Variants in CBFA2T3 observed in about 807,000 individuals in gnomAD.
CBFA2T3 encodes CBFA2/RUNX1 partner transcriptional co-repressor 3.
Under a neutral mutation model 58.6 loss-of-function variants are expected in CBFA2T3, and 31 were observed. The observed-to-expected ratio is 0.53, with a 90% CI of 0.40 to 0.71. The LOEUF (loss-of-function observed/expected upper bound fraction) is 0.71, where lower values mean the gene tolerates loss of function less well. Among genes scored for constraint, CBFA2T3 ranks in the 30% least tolerant of loss-of-function variants. CBFA2T3 has a pLI of 0.00. For synonymous variants in CBFA2T3, 531 were observed against 421.9 expected, an observed-to-expected ratio of 1.26 and a Z score of -3.17; for missense variants, 1,076 against 963.1, an observed-to-expected ratio of 1.12 and a Z score of -1.55.
chr16:88,911,096 A>G (rs1970516574), intron 1 of CBFA2T3, among the ~76,000 whole-genome samples: 1 of 152,248 alleles, frequency 6.6e-6, no homozygotes, highest in African/African-American at 2.4e-5. Context: ...CACAGGGACA[A>G]GGAGCCAAGT....
intron 1 of CBFA2T3, among the ~76,000 whole-genome samples, chr16:88,907,443 C>T (rs898650660): frequency 2.0e-5 from 3 of 152,184 alleles, no homozygotes; most frequent in East Asian, 1.9e-4. Context: ...GCAGCGGGTG[C>T]GGAATCTGAC....
chr16:88,955,802 C>T (rs1482057596), intron 1 of CBFA2T3, among the ~76,000 whole-genome samples: 3 of 81,066 alleles, frequency 3.7e-5, no homozygotes, highest in African/African-American at 5.5e-5. Flanking sequence ...GGCTCCTGAC[C>T]CCACCCAAGG....
chr16:88,882,506 G>A (rs889359966), intron 8 of CBFA2T3, among the ~76,000 whole-genome samples, 170 bp downstream of exon 8: 1 of 148,166 alleles, frequency 6.7e-6, no homozygotes, highest in African/African-American at 2.5e-5. Context: ...CGTGGCTGTG[G>A]CTGTGTGGGC....
chr16:88,881,016 C>A, intron 9 of CBFA2T3: 1 of 693,530 alleles, frequency 1.4e-6, no homozygotes, highest in Non-Finnish European at 2.6e-6. Context: ...CCGTGTGTGT[C>A]CTGGGCCTCT....
At chr16:88,887,059 G>C (rs1482377851) in intron 5 of CBFA2T3, 1 of 151,868 alleles carries the variant, frequency 6.6e-6, no homozygotes, top group Non-Finnish European at 1.5e-5. Flanking sequence ...GAGCATGCTG[G>C]ACCAGGGCCC....
At chr16:88,969,850 G>A (rs74033231) in intron 1 of CBFA2T3, among the ~76,000 whole-genome samples, 20,410 of 152,122 alleles carry the variant, frequency 0.13, 1,615 homozygotes, top group Middle Eastern at 0.24. Context: ...CGATTTGGCA[G>A]AGCCCCCGAT....
At chr16:88,898,842 G>A (rs1381936015) in intron 2 of CBFA2T3, among the ~76,000 whole-genome samples, 1 of 152,196 alleles carries the variant, frequency 6.6e-6, no homozygotes, top group Non-Finnish European at 1.5e-5. Flanking sequence ...GGGCGACGTA[G>A]GGAGACCCAA....
At position 88,879,264 on chromosome 16, in the gene CBFA2T3, C is replaced by T; in HGVS notation, c.1662+6G>A. On this transcript the variant is annotated splice_donor_region_variant and intron_variant, in intron 11 of 11. Coordinates refer to ENST00000268679, the MANE Select transcript of CBFA2T3 (RefSeq NM_005187.6). ...GATGGGTGTCAGCGTGGCCGGGTGG[C>T]CCTACCTCGCTGGAGTCCTCCTGCT... 1 of 1,584,452 alleles carries T rather than the reference C, an allele frequency of 6.3e-7. No homozygotes were observed.
At chr16:88,962,273 T>C (rs1404506310) in intron 1 of CBFA2T3, among the ~76,000 whole-genome samples, 1 of 152,226 alleles carries the variant, frequency 6.6e-6, no homozygotes, top group Non-Finnish European at 1.5e-5. Flanking sequence ...CCATAGTAAC[T>C]GATACTCAGC....
At chr16:88,938,067 T>G (rs1249414336) in intron 1 of CBFA2T3, 1 of 152,068 alleles carries the variant, frequency 6.6e-6, no homozygotes, top group Admixed American at 6.6e-5. Flanking sequence ...TGGCCAGAGG[T>G]GCAGACCTAG....
chr16:88,893,710 G>A (rs1567586696), intron 3 of CBFA2T3, among the ~76,000 whole-genome samples: 1 of 152,224 alleles, frequency 6.6e-6, no homozygotes, highest in Non-Finnish European at 1.5e-5. Flanking sequence ...CCTGCTATTG[G>A]GGTCAGTGTT....
At chr16:88,965,082 CCCAT>C (rs1277885655) in intron 1 of CBFA2T3, among the ~76,000 whole-genome samples, 2 of 140,632 alleles carry the variant, frequency 1.4e-5, no homozygotes, top group African/African-American at 5.3e-5. Flanking sequence ...TATCCACCCA[CCCAT>C]CTATCCATCC....
chr16:88,939,152 T>A (rs976956102), intron 1 of CBFA2T3: 6 of 152,036 alleles, frequency 3.9e-5, no homozygotes, highest in African/African-American at 1.5e-4. Flanking sequence ...CTGGAGGTGG[T>A]AACTGAATTA....
chr16:88,931,087 G>T (rs952602133), intron 1 of CBFA2T3, among the ~76,000 whole-genome samples: 1 of 152,088 alleles, frequency 6.6e-6, no homozygotes, highest in Non-Finnish European at 1.5e-5. Flanking sequence ...ACCTGCCCCT[G>T]CCAGGGACCC....
chr16:88,929,929 C>T (rs1971230764), intron 1 of CBFA2T3, among the ~76,000 whole-genome samples: 1 of 148,392 alleles, frequency 6.7e-6, no homozygotes, highest in Non-Finnish European at 1.5e-5. Context: ...GCAAAAGCTA[C>T]CAATACCCAC....
At chr16:88,884,948 G>T in intron 7 of CBFA2T3, 98 bp downstream of exon 7, 4 of 883,400 alleles carry the variant, frequency 4.5e-6, no homozygotes, top group Non-Finnish European at 6.8e-6. Flanking sequence ...GCACACAGCT[G>T]CCCGTGGTGC....
Position 88,881,410 on chromosome 16 carries a change from C to A in CBFA2T3, c.1283G>T (p.Arg428Leu). ...TVLRRCQEAD[R>L]EELNHWARRY... ...CCGCGCCCAGTGGTTGAGCTCCTCG[C>A]GGTCGGCCTCCTGGCACCTGCGCAG... Residue 428 changes from arginine (R) to leucine (L), a missense_variant, in exon 9 of 12, where the codon CGC becomes CTC. Physicochemically the swap from Arg to Leu is moderately radical, Grantham distance 102. Coordinates refer to ENST00000268679, the MANE Select transcript of CBFA2T3 (RefSeq NM_005187.6). 6.2e-7 allele frequency: 1 copy of A among 1,607,272 alleles called. No individual in the cohort carries two copies.
At chr16:88,928,758 C>A (rs1462916447) in intron 1 of CBFA2T3, among the ~76,000 whole-genome samples, 1 of 152,198 alleles carries the variant, frequency 6.6e-6, no homozygotes, top group East Asian at 1.9e-4. Context: ...ACGTACGAGA[C>A]CGAGGCTGGG....
chr16:88,913,030 A>T (rs1970579527), intron 1 of CBFA2T3, among the ~76,000 whole-genome samples: 1 of 152,202 alleles, frequency 6.6e-6, no homozygotes, highest in African/African-American at 2.4e-5. Context: ...ACCCTGCCAA[A>T]GCCCCTGCCC....
Sources: gnomAD v4.1 joint callset for allele counts (sites outside exome capture counted in the v4.1 genomes callset) on GRCh38, gnomAD v4.1.1 for gene constraint, MANE v1.5 for transcripts, NCBI Gene and HGNC (gene_info 2026-07-23, HGNC 2026-07-21) for gene names.